Variants in GPD2 observed in about 807,000 individuals in gnomAD.
GPD2 encodes the protein glycerol-3-phosphate dehydrogenase 2.
A neutral mutation model predicts 82.4 loss-of-function variants in GPD2; 54 were observed. The ratio of observed to expected loss-of-function variants is 0.66; its 90% CI spans 0.53 to 0.82. The LOEUF is 0.82. Ranked by LOEUF, GPD2 falls within the 40% of genes least tolerant of loss-of-function variation. The pLI, the probability that GPD2 is intolerant of heterozygous loss-of-function variation, is 0.00. For synonymous variants in GPD2, 288 were observed against 306.1 expected, an observed-to-expected ratio of 0.94 and a Z score of 0.62; for missense variants, 748 against 896.2, an observed-to-expected ratio of 0.83 and a Z score of 2.11.
intron 1 of GPD2, among the ~76,000 whole-genome samples, chr2:156,457,161 G>A (rs182601438): frequency 1.3e-5 from 2 of 152,052 alleles, no homozygotes; most frequent in African/African-American, 2.4e-5. Context: ...TCCAGAGTTT[G>A]TGACAGAGCC....
chr2:156,481,230 A>G (rs1311766841), intron 2 of GPD2, among the ~76,000 whole-genome samples: 4 of 152,146 alleles, frequency 2.6e-5, no homozygotes, highest in East Asian at 1.9e-4. Context: ...ATTTCTGTGC[A>G]TGTATACAAC....
In GPD2 at chr2:156,583,116, TCTAG is replaced by T; in HGVS notation, c.*201_*204del. On this transcript the variant is annotated 3_prime_UTR_variant, in exon 17 of 17. Coordinates refer to ENST00000438166, the MANE Select transcript of GPD2 (RefSeq NM_000408.5). Reference sequence around the variant, plus strand: ...TACTTTATTTGTATTTGCCATTCAGTCTAGCTTTTAAGTATATTTTTTTCTTTTT... The same window carrying T: ...TACTTTATTTGTATTTGCCATTCAGTCTTTTAAGTATATTTTTTTCTTTTT... 1 of 608,320 alleles carries T rather than the reference TCTAG, an allele frequency of 1.6e-6. No homozygotes were observed. Among genetic ancestry groups the T allele is most frequent in the Non-Finnish European group, 2.9e-6 (1 of 345,006 alleles). 37.7% of individuals were successfully genotyped at this position (608,320 alleles called of 1,614,324 possible). A position where few individuals can be genotyped will look rare whatever the true frequency, so the allele number is the denominator to read the frequency against.
chr2:156,512,264 A>G lies in GPD2; in HGVS notation c.444A>G (p.Leu148=). The change falls in exon 5 of 17, where the codon CTA becomes CTG. Residue 148 remains leucine, a synonymous_variant. Coordinates refer to ENST00000438166, the MANE Select transcript of GPD2 (RefSeq NM_000408.5). The part of the protein sequence containing the change: ...KEALHERANL[L]EIAPHLSAPL... Reference sequence around the variant, plus strand: ...CCCTTCATGAGCGTGCCAACCTGCTAGAAATTGCTCCCCATTTATCAGCTC... The same window carrying G: ...CCCTTCATGAGCGTGCCAACCTGCTGGAAATTGCTCCCCATTTATCAGCTC... 6.2e-7 allele frequency: 1 copy of G among 1,607,200 alleles called. No homozygotes were observed. Among genetic ancestry groups the G allele is most frequent in the Non-Finnish European group, 8.5e-7 (1 of 1,173,670 alleles).
intron 1 of GPD2, among the ~76,000 whole-genome samples, chr2:156,450,863 C>T (rs1012509196): frequency 1.0e-4 from 13 of 129,740 alleles, no homozygotes; most frequent in African/African-American, 3.5e-4. Flanking sequence ...GTGGTGATGA[C>T]TCTTAACGAG....
At chr2:156,548,506 G>C (rs538841856) in intron 6 of GPD2, among the ~76,000 whole-genome samples, 2 of 152,250 alleles carry the variant, frequency 1.3e-5, no homozygotes, top group South Asian at 4.2e-4. Flanking sequence ...AGACGTTTGT[G>C]GGGAGGGGCA....
At chr2:156,424,528 A>C in the GPD2 span, among the ~76,000 whole-genome samples, 1 of 152,228 alleles carries the variant, frequency 6.6e-6, no homozygotes, top group Non-Finnish European at 1.5e-5. Context: ...GAGAGAAAGG[A>C]AGAAGAAAAT....
At chr2:156,513,887 G>A (rs1685098262) in intron 6 of GPD2, among the ~76,000 whole-genome samples, 1 of 152,170 alleles carries the variant, frequency 6.6e-6, no homozygotes, top group Non-Finnish European at 1.5e-5. Flanking sequence ...AGGTTTTCTA[G>A]ATGAAACCTC....
chr2:156,457,742 G>A (rs1231845018), intron 1 of GPD2, among the ~76,000 whole-genome samples: 3 of 152,174 alleles, frequency 2.0e-5, no homozygotes, highest in Non-Finnish European at 4.4e-5. Context: ...TTGCTCTCTC[G>A]TAACAATAGT....
chr2:156,462,613 ACT>A (rs560408421), intron 1 of GPD2, among the ~76,000 whole-genome samples: 49 of 151,694 alleles, frequency 3.2e-4, no homozygotes, highest in Non-Finnish European at 6.0e-4. Flanking sequence ...GACATTCTTA[ACT>A]CTATGTAAGA....
the GPD2 span, among the ~76,000 whole-genome samples, chr2:156,415,433 C>T: frequency 5.3e-4 from 80 of 151,758 alleles, 1 homozygote; most frequent in African/African-American, 1.8e-3. Context: ...GCTGGGATTA[C>T]AGGAATAAGA....
chr2:156,573,153 G>C (rs1322113123), intron 13 of GPD2, among the ~76,000 whole-genome samples: 3 of 152,158 alleles, frequency 2.0e-5, no homozygotes, highest in Non-Finnish European at 4.4e-5. Flanking sequence ...GAAAGGGTTT[G>C]ATTTTAGGAG....
At chr2:156,561,649 T>A (rs1687181494) in intron 9 of GPD2, among the ~76,000 whole-genome samples, 1 of 152,162 alleles carries the variant, frequency 6.6e-6, no homozygotes, top group Non-Finnish European at 1.5e-5. Flanking sequence ...TTTACAGATT[T>A]AAAAAATAAA....
chr2:156,426,117 G>A, the GPD2 span, among the ~76,000 whole-genome samples: 1 of 151,902 alleles, frequency 6.6e-6, no homozygotes, highest in Non-Finnish European at 1.5e-5. Context: ...TAGAGACGGG[G>A]TTTCACCGTT....
chr2:156,459,419 G>C (rs1441623187), intron 1 of GPD2, among the ~76,000 whole-genome samples: 1 of 152,014 alleles, frequency 6.6e-6, no homozygotes, highest in Non-Finnish European at 1.5e-5. Flanking sequence ...GGGCGCGGTG[G>C]CTCACACCTG....
At chr2:156,542,314 A>G (rs1319036429) in intron 6 of GPD2, among the ~76,000 whole-genome samples, 2 of 152,194 alleles carry the variant, frequency 1.3e-5, no homozygotes, top group Admixed American at 1.3e-4. Context: ...TGCAGGTCAC[A>G]TCCTGTGCCT....
At chr2:156,499,982 G>C (rs77646601) in intron 3 of GPD2, among the ~76,000 whole-genome samples, 1 of 152,022 alleles carries the variant, frequency 6.6e-6, no homozygotes, top group East Asian at 1.9e-4. Flanking sequence ...GCATTCTGTA[G>C]TGATCAAGGT....
At chr2:156,548,541 C>G (rs1686636079) in intron 6 of GPD2, among the ~76,000 whole-genome samples, 1 of 151,336 alleles carries the variant, frequency 6.6e-6, no homozygotes, top group African/African-American at 2.5e-5. Context: ...CATTGATTCT[C>G]TCTTTATAAC....
intron 6 of GPD2, among the ~76,000 whole-genome samples, chr2:156,529,168 T>C (rs1282945732): frequency 2.1e-5 from 3 of 143,884 alleles, no homozygotes; most frequent in East Asian, 2.1e-4. Context: ...TGGTTTTGAT[T>C]TGCATTTCTC....
At chr2:156,553,659 T>C (rs1018583109) in intron 8 of GPD2, among the ~76,000 whole-genome samples, 2 of 152,182 alleles carry the variant, frequency 1.3e-5, no homozygotes, top group Non-Finnish European at 2.9e-5. Context: ...TCCAATTCCT[T>C]CCTTAAAATC....
Sources: gnomAD v4.1 joint callset for allele counts (sites outside exome capture counted in the v4.1 genomes callset) on GRCh38, gnomAD v4.1.1 for gene constraint, MANE v1.5 for transcripts, NCBI Gene and HGNC (gene_info 2026-07-23, HGNC 2026-07-21) for gene names.